Variants in MSRA observed in about 807,000 individuals in gnomAD.
MSRA encodes the protein methionine sulfoxide reductase A.
In MSRA, 54 loss-of-function variants were observed where a neutral mutation model predicts 31.3. That is an observed-to-expected ratio of 1.73 (90% CI 1.39 to 2.17). The LOEUF is 2.17. Among genes scored for constraint, MSRA ranks in the 30% most tolerant of loss-of-function variants. The pLI is 0.00. For missense variants in MSRA, 507 were observed against 300.9 expected, an observed-to-expected ratio of 1.69 and a Z score of -5.07; for synonymous variants, 169 against 116.5, an observed-to-expected ratio of 1.45 and a Z score of -2.90.
intron 5 of MSRA, among the ~76,000 whole-genome samples, chr8:10,418,274 A>T (rs779682140): frequency 6.6e-6 from 1 of 152,188 alleles, no homozygotes; most frequent in Non-Finnish European, 1.5e-5. Flanking sequence ...TTTGAACTGC[A>T]GGTACCCTCT....
chr8:10,390,242 A>T (rs1323567180), intron 5 of MSRA, among the ~76,000 whole-genome samples: 2 of 152,166 alleles, frequency 1.3e-5, no homozygotes, highest in African/African-American at 4.8e-5. Context: ...TCCGTGGGGC[A>T]GGCAGCCCTG....
At chr8:10,165,511 A>G (rs1043316603) in intron 1 of MSRA, among the ~76,000 whole-genome samples, 3 of 152,214 alleles carry the variant, frequency 2.0e-5, no homozygotes, top group African/African-American at 7.2e-5. Context: ...CAAGGGGGCT[A>G]AGACCAGGCT....
chr8:10,145,626 C>T (rs994672180), intron 1 of MSRA, among the ~76,000 whole-genome samples: 13 of 152,162 alleles, frequency 8.5e-5, no homozygotes, highest in Non-Finnish European at 1.8e-4. Flanking sequence ...GACCCTGTGA[C>T]CTGTTCACTT....
intron 3 of MSRA, among the ~76,000 whole-genome samples, chr8:10,281,615 A>G (rs1474422397): frequency 3.3e-5 from 5 of 152,246 alleles, no homozygotes; most frequent in Admixed American, 1.3e-4. Flanking sequence ...TGCTATCGAT[A>G]AGAAATGGTC....
intron 1 of MSRA, among the ~76,000 whole-genome samples, chr8:10,135,233 C>T (rs375264364): frequency 6.6e-6 from 1 of 152,170 alleles, no homozygotes; most frequent in African/African-American, 2.4e-5. Flanking sequence ...CAGGCCATGC[C>T]CTCTGTGACA....
intron 1 of MSRA, among the ~76,000 whole-genome samples, chr8:10,152,839 A>G (rs1055599637): frequency 4.6e-5 from 7 of 152,180 alleles, no homozygotes; most frequent in African/African-American, 7.2e-5. Context: ...AAGGAAGGAA[A>G]TTCTGTCACT....
intron 1 of MSRA, among the ~76,000 whole-genome samples, chr8:10,171,463 T>C (rs545127136): frequency 7.0e-4 from 107 of 152,322 alleles, no homozygotes; most frequent in African/African-American, 2.4e-3. Context: ...TTTTCACCTT[T>C]TAGTTTCCGT....
chr8:10,319,715 C>A (rs1801933012), intron 4 of MSRA, among the ~76,000 whole-genome samples, 168 bp from the exon 5 acceptor site: 1 of 151,918 alleles, frequency 6.6e-6, no homozygotes, highest in African/African-American at 2.4e-5. Flanking sequence ...ACATTTCATG[C>A]TTGTTTAAAG....
At chr8:10,331,263 C>T (rs1020890893) in intron 5 of MSRA, among the ~76,000 whole-genome samples, 2 of 152,174 alleles carry the variant, frequency 1.3e-5, no homozygotes, top group African/African-American at 4.8e-5. Context: ...GTGCTGCACT[C>T]CATGGAGCGG....
chr8:10,286,857 G>A (rs1458537428), intron 3 of MSRA, among the ~76,000 whole-genome samples: 1 of 152,238 alleles, frequency 6.6e-6, no homozygotes, highest in Non-Finnish European at 1.5e-5. Context: ...TATAGTTAAA[G>A]CCTGTGTGTA....
intron 5 of MSRA, among the ~76,000 whole-genome samples, chr8:10,325,178 C>G (rs991345087): frequency 6.6e-6 from 1 of 152,102 alleles, no homozygotes; most frequent in Non-Finnish European, 1.5e-5. Flanking sequence ...TGCAATGGCT[C>G]AGGAATGATT....
At chr8:10,235,341 AT>A (rs1190600694) in intron 2 of MSRA, among the ~76,000 whole-genome samples, 2 of 152,164 alleles carry the variant, frequency 1.3e-5, no homozygotes, top group Non-Finnish European at 2.9e-5. Flanking sequence ...TGAAATGGAA[AT>A]TACATCAGAA....
At chr8:10,341,643 T>G (rs1030658769) in intron 5 of MSRA, among the ~76,000 whole-genome samples, 1 of 152,180 alleles carries the variant, frequency 6.6e-6, no homozygotes, top group Non-Finnish European at 1.5e-5. Context: ...CAGACAAACT[T>G]AGGTACCTGT....
intron 4 of MSRA, among the ~76,000 whole-genome samples, chr8:10,310,805 A>G (rs1336759113): frequency 1.3e-5 from 2 of 152,250 alleles, no homozygotes; most frequent in African/African-American, 4.8e-5. Flanking sequence ...ACAGTGCTAC[A>G]CAATTCTATC....
At chr8:10,324,835 A>T (rs1236110615) in intron 5 of MSRA, among the ~76,000 whole-genome samples, 2 of 152,224 alleles carry the variant, frequency 1.3e-5, no homozygotes, top group Non-Finnish European at 1.5e-5. Context: ...ATGACTAGGC[A>T]TTCGGGAGAA....
chr8:10,071,831 G>A (rs1399902041), intron 1 of MSRA, among the ~76,000 whole-genome samples: 1 of 152,164 alleles, frequency 6.6e-6, no homozygotes, highest in Non-Finnish European at 1.5e-5. Context: ...ATACGATCCA[G>A]ACACTTGTGC....
chr8:10,352,772 C>T (rs987268800), intron 5 of MSRA, among the ~76,000 whole-genome samples: 17 of 152,242 alleles, frequency 1.1e-4, no homozygotes, highest in Admixed American at 2.0e-4. Context: ...GTGAATCAAA[C>T]GTGCATCAAA....
At chr8:10,339,926 G>T (rs1176789461) in intron 5 of MSRA, among the ~76,000 whole-genome samples, 4 of 152,112 alleles carry the variant, frequency 2.6e-5, no homozygotes, top group Non-Finnish European at 5.9e-5. Flanking sequence ...GCTGTTCTCA[G>T]GCCCTACCCC....
At chr8:10,169,025 T>C (rs1228851630) in intron 1 of MSRA, among the ~76,000 whole-genome samples, 2 of 152,158 alleles carry the variant, frequency 1.3e-5, no homozygotes, top group Non-Finnish European at 2.9e-5. Context: ...TTATAAGTAC[T>C]TTTGCATTCG....
Sources: gnomAD v4.1 joint callset for allele counts (sites outside exome capture counted in the v4.1 genomes callset) on GRCh38, gnomAD v4.1.1 for gene constraint, MANE v1.5 for transcripts, NCBI Gene and HGNC (gene_info 2026-07-23, HGNC 2026-07-21) for gene names.